Variants in MAX observed in about 807,000 individuals in gnomAD.
MAX encodes the protein protein max.
MAX carries 3 observed loss-of-function variants against 22.3 expected under a neutral mutation model. The ratio of observed to expected loss-of-function variants is 0.13; its 90% CI spans 0.06 to 0.35. The LOEUF is 0.35. Ranked by LOEUF, MAX falls within the 10% of genes least tolerant of loss-of-function variation. The pLI is 1.00. For synonymous variants in MAX, 72 were observed against 77.7 expected (o/e 0.93, Z 0.39); for missense variants, 119 against 209.4 (o/e 0.57, Z 2.66).
chr14:65,056,439 C>G (rs1014666808), intron 3 of MAX, among the ~76,000 whole-genome samples: 1 of 152,188 alleles, frequency 6.6e-6, no homozygotes, highest in African/African-American at 2.4e-5. Flanking sequence ...ATATTGTCAT[C>G]TTTGATAGAT....
At chr14:65,101,417 C>T in intron 2 of MAX, 129 bp downstream of exon 2, 1 of 843,492 alleles carries the variant, frequency 1.2e-6, no homozygotes, top group Non-Finnish European at 1.9e-6. Context: ...GGCCCCACCT[C>T]ACCTTAGTGG....
At chr14:65,015,607 CT>C in intron 3 of MAX, 7 of 1,613,630 alleles carry the variant, frequency 4.3e-6, no homozygotes, top group Non-Finnish European at 5.9e-6. Flanking sequence ...GATGTTTTCT[CT>C]CCTGTCTCTC....
intron 3 of MAX, among the ~76,000 whole-genome samples, chr14:65,059,334 T>C (rs10135220): frequency 0.24 from 34,906 of 147,884 alleles, 7,353 homozygotes; most frequent in African/African-American, 0.57. Context: ...CACTAGCCCC[T>C]TTTTTTTTTT....
intron 3 of MAX, among the ~76,000 whole-genome samples, chr14:65,015,381 G>A (rs550721392): frequency 1.3e-5 from 2 of 150,496 alleles, no homozygotes; most frequent in African/African-American, 4.9e-5. Context: ...GGGATTACAG[G>A]CATGAACCAC....
intron 3 of MAX, among the ~76,000 whole-genome samples, chr14:65,080,031 C>T (rs959651001): frequency 7.9e-5 from 12 of 152,204 alleles, no homozygotes; most frequent in Admixed American, 3.3e-4. Flanking sequence ...ATAAATATGT[C>T]TATACATGGA....
rs182815109 is a variant in MAX, at chr14:65,039,211, G to A, written c.172-32927C>T. Among the ~76,000 whole-genome samples the A allele has an allele frequency of 1.8e-4, 28 of 152,234 alleles. No homozygotes were observed. In the East Asian group the frequency reaches 5.2e-3, roughly 28 times the overall value. ...CAGTGTCTGTAGGGTTTTTCCCTTG[G>A]GCTTATCAGTTCCCTCAGAGAGGAA... On this transcript the variant is annotated intron_variant, in intron 3 of 3. Coordinates refer to the MAX transcript ENST00000341653.
chr14:65,020,733 CTTT>C (rs71123901), intron 3 of MAX, among the ~76,000 whole-genome samples: 1 of 123,320 alleles, frequency 8.1e-6, no homozygotes, highest in Non-Finnish European at 1.7e-5. Context: ...CGCGCCCGGC[CTTT>C]TTTTTTTTTT....
intron 3 of MAX, among the ~76,000 whole-genome samples, chr14:65,066,931 T>C (rs2062936873): frequency 6.6e-6 from 1 of 150,724 alleles, no homozygotes; most frequent in Non-Finnish European, 1.5e-5. Context: ...ATCCCAACAC[T>C]TTGGGAGGCC....
At chr14:65,036,930 G>A (rs999656138) in intron 3 of MAX, among the ~76,000 whole-genome samples, 18 of 151,954 alleles carry the variant, frequency 1.2e-4, no homozygotes, top group Admixed American at 9.8e-4. Context: ...GAGCCACCTC[G>A]CCTGGCCTGG....
Position 65,012,334 on chromosome 14 carries a change from A to C in MAX, c.172-6050T>G. 1 of 1,614,120 alleles carries C rather than the reference A, an allele frequency of 6.2e-7. No homozygotes were observed. The highest frequency in any genetic ancestry group is 1.1e-5 in the South Asian group (1 of 91,082). ...CTTTCCAGGCTTGTTTTGCAGAGGG[A>C]GAAGCACTTCCATTATCTGAAAAGA... On this transcript the variant is annotated intron_variant, in intron 3 of 3. Coordinates refer to the MAX transcript ENST00000341653. This position sits in a 1 kb window ranked among gnomAD's most constrained non-coding sequence, Gnocchi z 5.0.
intron 3 of MAX, among the ~76,000 whole-genome samples, chr14:65,039,855 AAAAC>A (rs2062305826): frequency 6.6e-6 from 1 of 152,210 alleles, no homozygotes; most frequent in African/African-American, 2.4e-5. Flanking sequence ...AACAAATAGA[AAAAC>A]AAAAAGGAAA....
Position 65,027,220 on chromosome 14 carries a change from G to T in MAX, c.172-20936C>A, listed in dbSNP as rs948012154. Among the ~76,000 whole-genome samples, 1 of 152,184 alleles carries T rather than the reference G, an allele frequency of 6.6e-6. No individual in the cohort carries two copies. Among genetic ancestry groups the T allele is most frequent in the East Asian group, 1.9e-4 (1 of 5,194 alleles). ...CCCAGCCTTGTGTTCCCTGCTTCAT[G>T]ACCAACAAGCGCTTAAGTACGAAAC... On this transcript the variant is annotated intron_variant, in intron 3 of 3. Transcript: ENST00000341653. The surrounding 1 kb of genome is among the most constrained non-coding windows in gnomAD (Gnocchi z 5.7).
intron 3 of MAX, among the ~76,000 whole-genome samples, chr14:65,056,894 C>G (rs553511920): frequency 6.6e-6 from 1 of 152,262 alleles, no homozygotes; most frequent in South Asian, 2.1e-4. Context: ...CTGAGAAATT[C>G]AAGGGCATGG....
rs767592202 is a variant in MAX at position 65,084,265 on chromosome 14, A to G, written c.172-6229T>C. 55 of 1,612,070 alleles carry G rather than the reference A, an allele frequency of 3.4e-5. No homozygotes were observed. In the Admixed American group the frequency reaches 9.0e-4, roughly 26 times the overall value. ...CTGCATCAAACTTTGACGATGAAGG[A>G]CAGGAGTACACAATTTCCAAAAGAG... On this transcript the variant is annotated intron_variant, in intron 3 of 4. Coordinates refer to ENST00000358664, the MANE Select transcript of MAX (RefSeq NM_002382.5). The surrounding 1 kb of genome is among the most constrained non-coding windows in gnomAD (Gnocchi z 4.3).
At chr14:65,098,544 G>A (rs990695658) in intron 2 of MAX, among the ~76,000 whole-genome samples, 9 of 151,966 alleles carry the variant, frequency 5.9e-5, no homozygotes, top group African/African-American at 2.2e-4. Flanking sequence ...TACATTTCCT[G>A]TATACTTACA....
rs867710630 is a variant in MAX, at chr14:65,015,417, T to C, written c.172-9133A>G. The C allele has an allele frequency of 2.2e-3, 638 of 291,048 alleles. 2 individuals carry two copies. The highest frequency in any genetic ancestry group is 0.013 in the African/African-American group (564 of 42,898). 18.0% of individuals were successfully genotyped at this position (291,048 alleles called of 1,614,324 possible). On this transcript the variant is annotated intron_variant, in intron 3 of 3. Transcript: ENST00000341653. ...CGCGCCCAGCCTTGTTATCTTTTTT[T>C]TTTTTTTTTTTTTTTTTAACAGATG...
chr14:65,044,688 G>T lies in MAX; in HGVS notation c.172-38404C>A. ...CGACAGAATGAGCTTCCTTGAAATT[G>T]CTACGGGGAGCGGGGAGGAAGTGGG... On this transcript the variant is annotated intron_variant, in intron 3 of 3. Coordinates refer to the MAX transcript ENST00000341653. The surrounding 1 kb of genome is among the most constrained non-coding windows in gnomAD (Gnocchi z 5.5). The T allele has an allele frequency of 1.8e-6, 1 of 570,424 alleles. No homozygotes were observed. Among genetic ancestry groups the T allele is most frequent in the South Asian group, 2.7e-5 (1 of 36,922 alleles). The allele number at this position is 570,424 out of a possible 1,614,324, so 35.3% of individuals were successfully genotyped here.
rs144596085 is a variant in MAX, at chr14:65,052,077, A to G, written c.171+41631T>C. Among the ~76,000 whole-genome samples, 872 of 152,218 alleles carry G rather than the reference A, an allele frequency of 5.7e-3. 4 individuals carry two copies. The highest frequency in any genetic ancestry group is 0.02 in the African/African-American group (815 of 41,546). ...CCCAAAGTGCTGGGATTACAGGCAT[A>G]AGCCATCGTGCCTGGCCCACCATAG... On this transcript the variant is annotated intron_variant, in intron 3 of 3. Coordinates refer to the MAX transcript ENST00000341653.
intron 3 of MAX, among the ~76,000 whole-genome samples, chr14:65,092,863 T>C (rs894748566): frequency 1.3e-5 from 2 of 152,212 alleles, no homozygotes; most frequent in African/African-American, 4.8e-5. Flanking sequence ...AACAGAATAG[T>C]TCCTTCTTTA....
Sources: allele counts gnomAD v4.1 joint callset (sites outside exome capture counted in the v4.1 genomes callset), GRCh38; gene constraint gnomAD v4.1.1; non-coding constraint Gnocchi (gnomAD v3.1); transcripts MANE v1.5; gene names NCBI Gene and HGNC (gene_info 2026-07-23, HGNC 2026-07-21).